PRICKLE2: variants seen among roughly 807,000 people sequenced by gnomAD.
PRICKLE2 encodes prickle planar cell polarity protein 2, also known as prickle-like protein 2.
In PRICKLE2, 21 loss-of-function variants were observed where a neutral mutation model predicts 81.4. The ratio of observed to expected loss-of-function variants is 0.26; its 90% CI spans 0.18 to 0.37. The LOEUF is 0.37. Among genes scored for constraint, PRICKLE2 ranks in the 10% least tolerant of loss-of-function variants. PRICKLE2 has a pLI of 1.00. For synonymous variants in PRICKLE2, 456 were observed against 421.5 expected, an observed-to-expected ratio of 1.08 and a Z score of -1.00; for missense variants, 940 against 1,109.0, an observed-to-expected ratio of 0.85 and a Z score of 2.16.
chr3:64,203,875 G>A (rs1475774453), intron 1 of PRICKLE2, among the ~76,000 whole-genome samples: 1 of 151,682 alleles, frequency 6.6e-6, no homozygotes, highest in Non-Finnish European at 1.5e-5. Context: ...CTACTCAGGA[G>A]GTGGAGGCAC....
chr3:64,173,240 G>A (rs1329312140), intron 2 of PRICKLE2, among the ~76,000 whole-genome samples: 1 of 152,152 alleles, frequency 6.6e-6, no homozygotes, highest in African/African-American at 2.4e-5. Flanking sequence ...TGTAGCATTT[G>A]CCAATTTCCA....
At chr3:64,249,546 A>G (rs1371009822) in intron 2 of PRICKLE2, among the ~76,000 whole-genome samples, 2 of 152,192 alleles carry the variant, frequency 1.3e-5, no homozygotes, top group Non-Finnish European at 2.9e-5. Context: ...ATATGCACCA[A>G]TGGGTGAACC....
intron 2 of PRICKLE2, among the ~76,000 whole-genome samples, chr3:64,168,274 G>A (rs1262023216): frequency 6.6e-6 from 1 of 152,102 alleles, no homozygotes; most frequent in African/African-American, 2.4e-5. Flanking sequence ...AGATGCGGAG[G>A]GGGCCCAATA....
intron 2 of PRICKLE2, among the ~76,000 whole-genome samples, chr3:64,167,810 C>T (rs148999252): frequency 2.2e-3 from 340 of 152,302 alleles, no homozygotes; most frequent in South Asian, 5.2e-3. Flanking sequence ...CCTGGAAGGC[C>T]TGTTAAAACA....
intron 2 of PRICKLE2, among the ~76,000 whole-genome samples, chr3:64,264,044 C>A (rs1032302272): frequency 2.6e-5 from 4 of 152,064 alleles, no homozygotes; most frequent in South Asian, 2.1e-4. Context: ...AAAGAGAAGA[C>A]CGCCCACCCC....
intron 2 of PRICKLE2, among the ~76,000 whole-genome samples, chr3:64,250,585 G>C (rs910198797): frequency 6.6e-6 from 1 of 152,130 alleles, no homozygotes; most frequent in African/African-American, 2.4e-5. Context: ...TGGTGGAGAG[G>C]GCATTGATAA....
At chr3:64,244,410 A>T (rs560631176) in intron 2 of PRICKLE2, among the ~76,000 whole-genome samples, 1 of 152,298 alleles carries the variant, frequency 6.6e-6, no homozygotes, top group South Asian at 2.1e-4. Context: ...CTGATGCAAT[A>T]ATTAGTCTCT....
Position 64,147,609 on chromosome 3 carries a change from C to T in PRICKLE2, c.881G>A (p.Gly294Glu). ...CCAHCKKSLL[G>E]RPFLPKQGQI... ...GCCCTGCTTCGGGAGGAATGGCCGC[C>T]CCAGGAGGGATTTCTTGCAGTGAGC... Residue 294 changes from glycine to glutamate, a missense_variant, in exon 7 of 8, where the codon GGG becomes GAG. Around this residue, in one of 2 missense-constraint regions of PRICKLE2, gnomAD observed 270 missense variants for 391.8 expected, o/e 0.69. Coordinates refer to ENST00000638394, the MANE Select transcript of PRICKLE2 (RefSeq NM_198859.4). This position sits in a 1 kb window ranked among gnomAD's most constrained non-coding sequence, Gnocchi z 5.0. 6.2e-7 allele frequency: 1 copy of T among 1,614,172 alleles called. No individual in the cohort carries two copies.
chr3:64,243,329 T>C (rs2079296156), intron 2 of PRICKLE2, among the ~76,000 whole-genome samples: 1 of 152,234 alleles, frequency 6.6e-6, no homozygotes, highest in South Asian at 2.1e-4. Context: ...TGTTCAGCAG[T>C]ACCCATGACC....
chr3:64,165,399 A>C (rs999112262), intron 2 of PRICKLE2, among the ~76,000 whole-genome samples: 1 of 152,198 alleles, frequency 6.6e-6, no homozygotes, highest in South Asian at 2.1e-4. Context: ...AATACTCATC[A>C]TAAGACTGTG....
intron 2 of PRICKLE2, among the ~76,000 whole-genome samples, chr3:64,240,044 G>C (rs1302759811): frequency 6.6e-6 from 1 of 151,852 alleles, no homozygotes; most frequent in Non-Finnish European, 1.5e-5. Flanking sequence ...GATCACTTGA[G>C]GCTGGGAGGT....
intron 6 of PRICKLE2, among the ~76,000 whole-genome samples, chr3:64,151,041 G>A (rs766392871): frequency 1.3e-5 from 2 of 152,104 alleles, no homozygotes; most frequent in African/African-American, 4.8e-5. Context: ...CCACAGCCTC[G>A]GTCTGTTTAT....
chr3:64,148,999 C>T (rs779127975), intron 6 of PRICKLE2, among the ~76,000 whole-genome samples: 1 of 152,192 alleles, frequency 6.6e-6, no homozygotes, highest in Non-Finnish European at 1.5e-5. Context: ...AACCTAGACA[C>T]GGTATTGCCA....
intron 2 of PRICKLE2, among the ~76,000 whole-genome samples, chr3:64,262,523 G>T (rs1237446238): frequency 6.6e-6 from 1 of 151,936 alleles, no homozygotes; most frequent in Non-Finnish European, 1.5e-5. Flanking sequence ...CTAGTCAAGA[G>T]TCCAGTGTAA....
chr3:64,157,945 T>C (rs1286058961), intron 4 of PRICKLE2, among the ~76,000 whole-genome samples: 1 of 152,238 alleles, frequency 6.6e-6, no homozygotes, highest in East Asian at 1.9e-4. Context: ...CGGCACCACT[T>C]CTAAGGCCAA....
chr3:64,246,120 T>C (rs1349839074), intron 2 of PRICKLE2, among the ~76,000 whole-genome samples: 1 of 152,092 alleles, frequency 6.6e-6, no homozygotes, highest in African/African-American at 2.4e-5. Context: ...TGCGTGCCTG[T>C]AGTCCCAGCT....
upstream of PRICKLE2, among the ~76,000 whole-genome samples, chr3:64,229,468 C>T (rs1352850526): frequency 3.9e-5 from 6 of 152,090 alleles, no homozygotes; most frequent in East Asian, 3.9e-4. Context: ...TGGATTTAAA[C>T]GACCTAAAGA....
At chr3:64,151,313 G>A (rs2077543545) in intron 6 of PRICKLE2, among the ~76,000 whole-genome samples, 3 of 152,192 alleles carry the variant, frequency 2.0e-5, no homozygotes, top group Admixed American at 2.0e-4. Context: ...TAATACTGCA[G>A]GCCACCATGG....
intron 2 of PRICKLE2, among the ~76,000 whole-genome samples, chr3:64,245,287 G>A (rs559580774): frequency 1.2e-4 from 4 of 33,076 alleles, no homozygotes; most frequent in East Asian, 3.0e-4. Context: ...AAGGAAGGAC[G>A]GGAAAGCTTA....
Sources: allele counts gnomAD v4.1 joint callset (sites outside exome capture counted in the v4.1 genomes callset), GRCh38; gene constraint gnomAD v4.1.1; regional missense constraint gnomAD v4.1.1; non-coding constraint Gnocchi (gnomAD v3.1); transcripts MANE v1.5; gene names NCBI Gene and HGNC (gene_info 2026-07-23, HGNC 2026-07-21).